Variants in SNAI3 observed in about 807,000 individuals in gnomAD.
SNAI3 encodes zinc finger protein SNAI3.
SNAI3 carries 21 observed loss-of-function variants against 16.4 expected under a neutral mutation model. That is an observed-to-expected ratio of 1.28 (90% CI 0.91 to 1.85). The LOEUF is 1.85. Among genes scored for constraint, SNAI3 ranks in the 40% most tolerant of loss-of-function variants. The probability of loss-of-function intolerance (pLI) is 0.00; values close to 1 mark genes in which losing one functional copy is unlikely to be tolerated. For synonymous variants in SNAI3, 202 were observed against 166.6 expected (o/e 1.21, Z -1.64); for missense variants, 457 against 372.8 (o/e 1.23, Z -1.86).
In SNAI3 at chr16:88,686,497, T is replaced by G. The variant is rs1909372163; in HGVS notation, c.-91A>C. 1.3e-6 allele frequency: 2 copies of G among 1,533,988 alleles called. No individual in the cohort carries two copies. Among genetic ancestry groups the G allele is most frequent in the Non-Finnish European group, 1.7e-6 (2 of 1,147,964 alleles). The stretch of plus-strand genomic sequence containing the variant: ...CTGCGTCCGCCGGCGCTTGAAGGGG[T>G]CAGGCTCATTAGCATAGCGCGCCGC... On this transcript the variant is annotated 5_prime_UTR_variant, in exon 1 of 3. Coordinates refer to ENST00000332281, the MANE Select transcript of SNAI3 (RefSeq NM_178310.4).
At chr16:88,683,762 G>A (rs1280077678) in intron 1 of SNAI3, among the ~76,000 whole-genome samples, 2 of 151,350 alleles carry the variant, frequency 1.3e-5, no homozygotes, top group Admixed American at 1.3e-4. Flanking sequence ...TTGCCACATT[G>A]GCCAGACTCG....
At chr16:88,684,280 G>A (rs936247035) in intron 1 of SNAI3, among the ~76,000 whole-genome samples, 1 of 152,224 alleles carries the variant, frequency 6.6e-6, no homozygotes, top group Non-Finnish European at 1.5e-5. Context: ...TCTAAGACAT[G>A]GCCACCTTTC....
chr16:88,684,224 G>T (rs1235426478), intron 1 of SNAI3, among the ~76,000 whole-genome samples: 4 of 152,220 alleles, frequency 2.6e-5, no homozygotes, highest in Non-Finnish European at 4.4e-5. Flanking sequence ...TCCCGGCTTT[G>T]CTGGGGCCTC....
chr16:88,679,020 C>T (rs1393355991), intron 2 of SNAI3: 3 of 985,446 alleles, frequency 3.0e-6, no homozygotes, highest in Non-Finnish European at 3.6e-6. Flanking sequence ...ATTTAGGAAC[C>T]ACCTCCCATC....
At chr16:88,684,656 G>A (rs1045754395) in intron 1 of SNAI3, among the ~76,000 whole-genome samples, 9 of 152,110 alleles carry the variant, frequency 5.9e-5, no homozygotes, top group African/African-American at 1.7e-4. Context: ...CCAGCACACC[G>A]GGGTAACTTC....
chr16:88,682,429 C>T (rs1381556818), intron 1 of SNAI3, among the ~76,000 whole-genome samples: 4 of 152,238 alleles, frequency 2.6e-5, no homozygotes, highest in Admixed American at 1.3e-4. Flanking sequence ...TGGCACACTG[C>T]ACACCACATG....
rs199662928 is a variant in SNAI3, at chr16:88,681,496, G to A, written c.295C>T (p.Arg99Trp). 210 of 1,553,248 alleles carry A rather than the reference G, an allele frequency of 1.4e-4. 2 individuals carry two copies. Among genetic ancestry groups the A allele is most frequent in the South Asian group, 9.5e-4 (79 of 83,270 alleles). Residue 99 changes from arginine to tryptophan, a missense_variant, in exon 2 of 3, where the codon CGG (arginine) becomes TGG (tryptophan). By Grantham distance (101) the Arg-to-Trp change is moderately radical. Coordinates refer to ENST00000332281, the MANE Select transcript of SNAI3 (RefSeq NM_178310.4). This position sits in a 1 kb window ranked among gnomAD's most constrained non-coding sequence, Gnocchi z 5.4. ...EVSEVDPRASRAAIVPLKDSL... is the reference protein window; with the variant it reads ...EVSEVDPRASWAAIVPLKDSL... ...TCTTTGAGGGGTACAATGGCGGCCC[G>A]GCTGGCCCGAGGGTCGACCTCGCTG... is the stretch of plus-strand genomic sequence containing the variant.
intron 2 of SNAI3, among the ~76,000 whole-genome samples, chr16:88,679,783 G>GAAAAA (rs1291402457): frequency 8.7e-6 from 1 of 114,502 alleles, no homozygotes; most frequent in Non-Finnish European, 1.9e-5. Context: ...AAAAAAAAAA[G>GAAAAA]AAAAAGTGTG....
chr16:88,679,557 C>T (rs936154810), intron 2 of SNAI3, among the ~76,000 whole-genome samples: 3 of 135,156 alleles, frequency 2.2e-5, no homozygotes, highest in East Asian at 2.3e-4. Flanking sequence ...GTCAGGAGAT[C>T]GAGACCATCC....
At chr16:88,682,985 G>C (rs553140046) in intron 1 of SNAI3, among the ~76,000 whole-genome samples, 2 of 151,130 alleles carry the variant, frequency 1.3e-5, no homozygotes, top group South Asian at 4.2e-4. Flanking sequence ...CACTGTGTTA[G>C]CCAGAATGGT....
chr16:88,679,775 A>AAAAAAAAAAAAG (rs1555545688), intron 2 of SNAI3, among the ~76,000 whole-genome samples: 8 of 106,590 alleles, frequency 7.5e-5, no homozygotes, highest in African/African-American at 1.7e-4. Flanking sequence ...AAAAAAAAAA[A>AAAAAAAAAAAAG]AAAAAAAGAA....
intron 1 of SNAI3, chr16:88,685,590 C>T (rs1909331856): frequency 6.6e-6 from 1 of 152,310 alleles, no homozygotes; most frequent in African/African-American, 2.4e-5. Flanking sequence ...AGGACAGAGT[C>T]CTCTTCTCTC....
At chr16:88,680,962 T>A in intron 2 of SNAI3, 132 bp downstream of exon 2, 2 of 1,339,906 alleles carry the variant, frequency 1.5e-6, no homozygotes, top group Non-Finnish European at 2.0e-6. Context: ...TACAGATAAG[T>A]CAAAAGGCAG....
In SNAI3 at chr16:88,682,762, A is replaced by ATTTTTTTTTTTTTTTTTTTTTTTTTTTTT. The variant is rs71158747; in HGVS notation, c.77-1077_77-1049dup. Among the ~76,000 whole-genome samples, 5 of 60,696 alleles carry ATTTTTTTTTTTTTTTTTTTTTTTTTTTTT rather than the reference A, an allele frequency of 8.2e-5. 2 individuals carry two copies. The highest frequency in any genetic ancestry group is 1.2e-4 in the African/African-American group (2 of 16,826). The allele number at this position is 60,696 out of a possible 152,430, so 39.8% of individuals were successfully genotyped here. On this transcript the variant is annotated intron_variant, in intron 1 of 2. Transcript: ENST00000332281. ...AATACAATTTTAATATGGGCAAGGG[A>ATTTTTTTTTTTTTTTTTTTTTTTTTTTTT]TTTTTTTTTTTTTTTTTTTTTTTTT...
chr16:88,686,394 A>G lies in SNAI3; in HGVS notation c.13T>C (p.Phe5Leu). The change falls in exon 1 of 3, where the codon TTC (phenylalanine) becomes CTC (leucine). Residue 5 changes from phenylalanine (F) to leucine (L), a missense_variant. Coordinates refer to ENST00000332281, the MANE Select transcript of SNAI3 (RefSeq NM_178310.4). MPRS[F>L]LVKTHSSHRV... is the part of the protein sequence containing the mutation. ...TGGCTGGAGTGCGTTTTCACCAGGA[A>G]GGAGCGCGGCATGTTCCCCTCCCGG... The G allele has an allele frequency of 6.2e-7, 1 of 1,611,062 alleles. No individual in the cohort carries two copies. The highest frequency in any genetic ancestry group is 1.1e-5 in the South Asian group (1 of 91,066).
intron 1 of SNAI3, among the ~76,000 whole-genome samples, chr16:88,684,371 C>T (rs1909283721): frequency 6.6e-6 from 1 of 152,222 alleles, no homozygotes; most frequent in African/African-American, 2.4e-5. Flanking sequence ...GGGCAAGAGA[C>T]AGTCTCGCCC....
In SNAI3 at chr16:88,681,997, C is replaced by A. The variant is rs375544747; in HGVS notation, c.77-283G>T. ...AACACAAAGAAACATCTGACGGGACCCTTTGTGTTCAGGAACATGAAACAG... is the reference window on the plus strand; with the variant it reads ...AACACAAAGAAACATCTGACGGGACACTTTGTGTTCAGGAACATGAAACAG... On this transcript the variant is annotated intron_variant, in intron 1 of 2. Transcript: ENST00000332281. The surrounding 1 kb of genome is among the most constrained non-coding windows in gnomAD (Gnocchi z 5.4). Among the ~76,000 whole-genome samples, 6 of 152,222 alleles carry A rather than the reference C, an allele frequency of 3.9e-5. No individual in the cohort carries two copies. The highest frequency in any genetic ancestry group is 1.4e-4 in the African/African-American group (6 of 41,532).
Position 88,681,323 on chromosome 16 carries a change from G to A in SNAI3, c.468C>T (p.His156=), listed in dbSNP as rs1473897866. 3 of 1,613,164 alleles carry A rather than the reference G, an allele frequency of 1.9e-6. No homozygotes were observed. Among genetic ancestry groups the A allele is most frequent in the Non-Finnish European group, 2.5e-6 (3 of 1,179,850 alleles). The change falls in exon 2 of 3, where the codon CAC becomes CAT. Residue 156 remains histidine (H), a synonymous_variant. Coordinates refer to ENST00000332281, the MANE Select transcript of SNAI3 (RefSeq NM_178310.4). This position sits in a 1 kb window ranked among gnomAD's most constrained non-coding sequence, Gnocchi z 5.4. Reference sequence around the variant, plus strand: ...CCAGCGTGTGGTAGGGTTTGTGGCAGTGGAAGCACTCAAAGCCGCCCGGGG... The same window carrying A: ...CCAGCGTGTGGTAGGGTTTGTGGCAATGGAAGCACTCAAAGCCGCCCGGGG... The part of the protein sequence containing the change: ...PRAPGGFECF[H]CHKPYHTLAG...
Position 88,678,159 on chromosome 16 carries a change from G to T in SNAI3, c.*289C>A, listed in dbSNP as rs1220562993. ...TGACTCTTGGAAGGGTAGCCCCGGA[G>T]ACCTGGCCGTGTCGAAATGGAACCA... On this transcript the variant is annotated 3_prime_UTR_variant, in exon 3 of 3. Transcript: ENST00000332281. 8.2e-6 allele frequency: 3 copies of T among 366,282 alleles called. No individual in the cohort carries two copies. Among genetic ancestry groups the T allele is most frequent in the African/African-American group, 6.3e-5 (3 of 47,692 alleles). 22.7% of individuals were successfully genotyped at this position (366,282 alleles called of 1,614,324 possible).
Sources: allele counts gnomAD v4.1 joint callset (sites outside exome capture counted in the v4.1 genomes callset), GRCh38; gene constraint gnomAD v4.1.1; non-coding constraint Gnocchi (gnomAD v3.1); transcripts MANE v1.5; gene names NCBI Gene and HGNC (gene_info 2026-07-23, HGNC 2026-07-21).